STARD13: variants seen among roughly 807,000 people sequenced by gnomAD.
The protein encoded by STARD13 is stAR-related lipid transfer protein 13.
In STARD13, 62 loss-of-function variants were observed where a neutral mutation model predicts 106.4. The observed-to-expected ratio is 0.58, with a 90% CI of 0.48 to 0.72. The LOEUF (loss-of-function observed/expected upper bound fraction) is 0.72. Ranked by LOEUF, STARD13 falls within the 30% of genes least tolerant of loss-of-function variation. STARD13 has a pLI of 0.00. For synonymous variants in STARD13, 565 were observed against 553.0 expected (o/e 1.02, Z -0.31); for missense variants, 1,387 against 1,424.0 (o/e 0.97, Z 0.42).
At chr13:33,343,592 A>AC (rs1441688650) in intron 1 of STARD13, among the ~76,000 whole-genome samples, 1 of 93,530 alleles carries the variant, frequency 1.1e-5, no homozygotes, top group African/African-American at 4.9e-5. Context: ...AAAAAAAAAA[A>AC]AAAAACAAAT....
chr13:33,474,972 A>G, the STARD13 span, among the ~76,000 whole-genome samples: 6 of 152,362 alleles, frequency 3.9e-5, no homozygotes, highest in African/African-American at 1.4e-4. Flanking sequence ...TTAATATCTC[A>G]GTTTTCAGAA....
the STARD13 span, among the ~76,000 whole-genome samples, chr13:33,574,787 A>G: frequency 3.3e-5 from 5 of 152,078 alleles, no homozygotes; most frequent in African/African-American, 9.7e-5. Flanking sequence ...GAGACAAAAT[A>G]TAGTTGAAAT....
the STARD13 span, among the ~76,000 whole-genome samples, chr13:33,449,562 CA>C: frequency 6.6e-6 from 1 of 152,138 alleles, no homozygotes; most frequent in East Asian, 1.9e-4. Context: ...ATTCTTTTTG[CA>C]CAATATTTCT....
chr13:33,376,512 G>T, the STARD13 span, among the ~76,000 whole-genome samples: 1 of 152,058 alleles, frequency 6.6e-6, no homozygotes, highest in Non-Finnish European at 1.5e-5. Context: ...AGCTAATCAG[G>T]AGGCTGAGGA....
the STARD13 span, among the ~76,000 whole-genome samples, chr13:33,555,051 C>G: frequency 6.6e-6 from 1 of 152,132 alleles, no homozygotes. Context: ...GTCTAAGGAT[C>G]ACAGTGTCAG....
chr13:33,298,728 C>G (rs1892598690), intron 1 of STARD13, among the ~76,000 whole-genome samples: 1 of 152,042 alleles, frequency 6.6e-6, no homozygotes, highest in East Asian at 1.9e-4. Flanking sequence ...TCAACTAGAT[C>G]ACAATCTAAG....
intron 1 of STARD13, among the ~76,000 whole-genome samples, chr13:33,246,419 TA>T (rs1162611845): frequency 2.0e-5 from 3 of 152,230 alleles, no homozygotes; most frequent in Non-Finnish European, 4.4e-5. Context: ...TATCTTTGTC[TA>T]AGTCTGTATG....
chr13:33,536,533 T>C, the STARD13 span, among the ~76,000 whole-genome samples: 22 of 152,262 alleles, frequency 1.4e-4, no homozygotes, highest in Non-Finnish European at 2.9e-5. Flanking sequence ...GATTATGCTG[T>C]CTTGGTAAGA....
intron 1 of STARD13, among the ~76,000 whole-genome samples, chr13:33,225,523 A>C (rs1239150247): frequency 6.6e-6 from 1 of 152,234 alleles, no homozygotes; most frequent in East Asian, 1.9e-4. Flanking sequence ...TGTCCTATGA[A>C]TAAAACAGAA....
the STARD13 span, among the ~76,000 whole-genome samples, chr13:33,619,892 A>C: frequency 6.6e-6 from 1 of 152,094 alleles, no homozygotes; most frequent in South Asian, 2.1e-4. Flanking sequence ...GTGAAACCTC[A>C]TCTCTACTAA....
the STARD13 span, among the ~76,000 whole-genome samples, chr13:33,533,372 T>C: frequency 6.6e-6 from 1 of 152,192 alleles, no homozygotes; most frequent in African/African-American, 2.4e-5. Context: ...TATGAAGCTA[T>C]GTGATTATAA....
At chr13:33,386,569 T>C in the STARD13 span, among the ~76,000 whole-genome samples, 1 of 149,298 alleles carries the variant, frequency 6.7e-6, no homozygotes, top group African/African-American at 2.5e-5. Flanking sequence ...TCTGGGGGGG[T>C]CGACGTGCAG....
At chr13:33,537,308 G>A in the STARD13 span, among the ~76,000 whole-genome samples, 9 of 152,340 alleles carry the variant, frequency 5.9e-5, no homozygotes, top group East Asian at 1.9e-4. Context: ...TGTGGTTTCC[G>A]AAATACTGCT....
At chr13:33,569,852 G>A in the STARD13 span, among the ~76,000 whole-genome samples, 2 of 147,330 alleles carry the variant, frequency 1.4e-5, no homozygotes, top group East Asian at 2.0e-4. Context: ...ATGCTTGTTC[G>A]TGTTAAAAAT....
intron 1 of STARD13, among the ~76,000 whole-genome samples, chr13:33,320,300 C>T (rs562390922): frequency 3.8e-4 from 58 of 152,324 alleles, no homozygotes; most frequent in South Asian, 3.7e-3. Flanking sequence ...CCAGCTCAAA[C>T]TCTAGGGCCC....
intron 1 of STARD13, among the ~76,000 whole-genome samples, chr13:33,177,206 C>T (rs927483599): frequency 6.6e-6 from 1 of 152,146 alleles, no homozygotes; most frequent in African/African-American, 2.4e-5. Flanking sequence ...CAAATACTCA[C>T]TGAATTCAGG....
downstream of STARD13, among the ~76,000 whole-genome samples, chr13:33,345,853 A>G (rs971454696): frequency 6.6e-6 from 1 of 151,470 alleles, no homozygotes; most frequent in African/African-American, 2.4e-5. Flanking sequence ...GTTCAAGCAG[A>G]AAAAAAAAGG....
intron 10 of STARD13, 79 bp downstream of exon 10, chr13:33,111,699 T>C (rs1380310370): frequency 7.0e-6 from 6 of 863,288 alleles, no homozygotes; most frequent in South Asian, 1.4e-5. Flanking sequence ...ATAGAAACCA[T>C]AAATGTAGCA....
At chr13:33,111,566 T>C (rs1285528275) in intron 10 of STARD13, among the ~76,000 whole-genome samples, 2 of 152,222 alleles carry the variant, frequency 1.3e-5, no homozygotes, top group Non-Finnish European at 2.9e-5. Context: ...ATAAAAACCA[T>C]CAGTATGGTA....
Sources: allele counts gnomAD v4.1 joint callset (sites outside exome capture counted in the v4.1 genomes callset), GRCh38; gene constraint gnomAD v4.1.1; transcripts MANE v1.5; gene names NCBI Gene and HGNC (gene_info 2026-07-23, HGNC 2026-07-21).